CSMD3: variants seen among roughly 807,000 people sequenced by gnomAD.
CSMD3 encodes CUB and sushi domain-containing protein 3.
Under a neutral mutation model 435.2 loss-of-function variants are expected in CSMD3, and 177 were observed. That is an observed-to-expected ratio of 0.41 (90% CI 0.36 to 0.46). The LOEUF is 0.46. Ranked by LOEUF, CSMD3 falls within the 20% of genes least tolerant of loss-of-function variation. CSMD3 has a pLI of 0.34. For synonymous variants in CSMD3, 1,656 were observed against 1,520.5 expected (o/e 1.09, Z -2.07); for missense variants, 4,265 against 4,504.6 (o/e 0.95, Z 1.52).
At chr8:112,297,946 C>T (rs921006561) in intron 53 of CSMD3, among the ~76,000 whole-genome samples, 1 of 151,212 alleles carries the variant, frequency 6.6e-6, no homozygotes, top group Non-Finnish European at 1.5e-5. Context: ...CATAGCAAGA[C>T]CCTATCTAAA....
At chr8:112,661,218 T>G (rs1328588048) in intron 17 of CSMD3, among the ~76,000 whole-genome samples, 1 of 152,204 alleles carries the variant, frequency 6.6e-6, no homozygotes, top group Non-Finnish European at 1.5e-5. Context: ...TTATGCCTAT[T>G]TAACTAGTGT....
chr8:113,395,737 A>T (rs79224800), intron 1 of CSMD3, among the ~76,000 whole-genome samples: 2,976 of 152,274 alleles, frequency 0.02, 43 homozygotes, highest in Non-Finnish European at 0.029. Flanking sequence ...CCTGGCATTT[A>T]ACTTTCTCTA....
chr8:113,376,608 C>T, intron 1 of CSMD3: 1 of 969,914 alleles, frequency 1.0e-6, no homozygotes, highest in South Asian at 1.4e-5. Context: ...TTTTTTAATC[C>T]TCATCAAAAG....
chr8:112,876,887 G>A (rs553819399), intron 10 of CSMD3, among the ~76,000 whole-genome samples: 1 of 152,154 alleles, frequency 6.6e-6, no homozygotes, highest in Non-Finnish European at 1.5e-5. Context: ...AACTCTTTAA[G>A]CTGATAAGCA....
At chr8:112,977,489 G>A (rs1391477801) in intron 6 of CSMD3, among the ~76,000 whole-genome samples, 1 of 151,976 alleles carries the variant, frequency 6.6e-6, no homozygotes, top group African/African-American at 2.4e-5. Flanking sequence ...CTCTTGTGCT[G>A]TAGACAGGTG....
chr8:112,631,326 T>C (rs1237582169), intron 22 of CSMD3, among the ~76,000 whole-genome samples: 4 of 152,188 alleles, frequency 2.6e-5, no homozygotes, highest in South Asian at 2.1e-4. Context: ...AGTTCAGTAA[T>C]TGTAACTCAA....
At chr8:112,666,442 A>G in intron 16 of CSMD3, 27 bp from the exon 17 acceptor site, 1 of 1,604,366 alleles carries the variant, frequency 6.2e-7, no homozygotes, top group South Asian at 1.1e-5. Context: ...GACAAGTAAG[A>G]ATAAAACATT....
chr8:112,346,003 A>T, intron 41 of CSMD3, 94 bp downstream of exon 41: 1 of 819,562 alleles, frequency 1.2e-6, no homozygotes, highest in South Asian at 1.4e-5. Context: ...GCAATTTGTG[A>T]AGATTTTATA....
At chr8:112,558,578 C>T (rs1490343538) in intron 24 of CSMD3, among the ~76,000 whole-genome samples, 1 of 151,740 alleles carries the variant, frequency 6.6e-6, no homozygotes, top group African/African-American at 2.4e-5. Context: ...TTATGCTTTT[C>T]TCTTGTCAAA....
At chr8:112,895,349 A>C (rs1374049550) in intron 10 of CSMD3, among the ~76,000 whole-genome samples, 2 of 151,514 alleles carry the variant, frequency 1.3e-5, no homozygotes, top group Non-Finnish European at 3.0e-5. Flanking sequence ...TGAATAGATA[A>C]ATTAATGAAT....
At chr8:112,847,446 C>A (rs1345331502) in intron 11 of CSMD3, among the ~76,000 whole-genome samples, 2 of 152,122 alleles carry the variant, frequency 1.3e-5, no homozygotes, top group African/African-American at 4.8e-5. Flanking sequence ...ATTTACACTG[C>A]ATGAGATCCA....
chr8:112,682,903 T>A (rs1452964534), intron 15 of CSMD3, among the ~76,000 whole-genome samples: 1 of 152,168 alleles, frequency 6.6e-6, no homozygotes, highest in African/African-American at 2.4e-5. Flanking sequence ...TATTTCTGCT[T>A]ATTTCTGGAG....
At chr8:113,152,434 TA>T (rs1382663616) in intron 4 of CSMD3, among the ~76,000 whole-genome samples, 13 of 152,066 alleles carry the variant, frequency 8.5e-5, no homozygotes, top group Non-Finnish European at 1.8e-4. Context: ...CAACTCAGTA[TA>T]CACATATTCA....
rs1367190789 is a variant in CSMD3, at chr8:112,336,435, G to A, written c.7019+217C>T. Among the ~76,000 whole-genome samples the A allele has an allele frequency of 2.0e-5, 3 of 151,910 alleles. No homozygotes were observed. The East Asian group carries it at 5.8e-4, about 29-fold the overall frequency. ...TCTTGTTTTCACCTATGAAGTCTTT[G>A]TTCCACAATGCTTACCTAGTTCATG... is the stretch of plus-strand genomic sequence containing the variant. On this transcript the variant is annotated intron_variant, in intron 44 of 70. Transcript: ENST00000297405.
At chr8:112,490,476 G>T (rs112244350) in intron 31 of CSMD3, among the ~76,000 whole-genome samples, 1,777 of 152,200 alleles carry the variant, frequency 0.012, 30 homozygotes, top group African/African-American at 0.041. Flanking sequence ...TATTGGAAAG[G>T]AGTATGATTA....
chr8:113,051,547 C>T (rs2131328289), intron 5 of CSMD3, among the ~76,000 whole-genome samples: 2 of 152,232 alleles, frequency 1.3e-5, no homozygotes, highest in Admixed American at 1.3e-4. Context: ...AAACTTCACA[C>T]ACTAAAGGAT....
intron 13 of CSMD3, among the ~76,000 whole-genome samples, chr8:112,728,994 A>T (rs1303727822): frequency 6.6e-6 from 1 of 152,070 alleles, no homozygotes; most frequent in Non-Finnish European, 1.5e-5. Context: ...TATATATTTT[A>T]CATAGTACAA....
intron 27 of CSMD3, among the ~76,000 whole-genome samples, chr8:112,519,592 G>GCA (rs1824063832): frequency 1.3e-5 from 2 of 152,106 alleles, no homozygotes; most frequent in South Asian, 4.1e-4. Flanking sequence ...CACAGAAAAA[G>GCA]TATACAAATA....
chr8:112,742,701 A>C (rs571843047), intron 13 of CSMD3, among the ~76,000 whole-genome samples: 1 of 152,090 alleles, frequency 6.6e-6, no homozygotes, highest in Non-Finnish European at 1.5e-5. Context: ...GATTGAAAAA[A>C]AATATCCCAT....
Sources: allele counts gnomAD v4.1 joint callset (sites outside exome capture counted in the v4.1 genomes callset), GRCh38; gene constraint gnomAD v4.1.1; transcripts MANE v1.5; gene names NCBI Gene and HGNC (gene_info 2026-07-23, HGNC 2026-07-21).